Variants in RASEF observed in about 807,000 individuals in gnomAD.
RASEF encodes RAS and EF-hand domain containing, also known as ras and EF-hand domain-containing protein.
Under a neutral mutation model 90.1 loss-of-function variants are expected in RASEF, and 68 were observed. The ratio of observed to expected loss-of-function variants is 0.75; its 90% CI spans 0.62 to 0.92. The LOEUF (loss-of-function observed/expected upper bound fraction) is 0.92. Among genes scored for constraint, RASEF ranks in the 40% least tolerant of loss-of-function variants. The pLI is 0.00. For synonymous variants in RASEF, 331 were observed against 345.2 expected, an observed-to-expected ratio of 0.96 and a Z score of 0.46; for missense variants, 949 against 937.2, an observed-to-expected ratio of 1.01 and a Z score of -0.16.
At chr9:83,004,693 T>G (rs1368559917) in intron 8 of RASEF, 107 bp from the exon 9 acceptor site, 2 of 670,704 alleles carry the variant, frequency 3.0e-6, no homozygotes, top group Non-Finnish European at 5.2e-6. Context: ...AGCACACTAC[T>G]CAAACTTCTA....
chr9:83,138,925 A>C, the RASEF span, among the ~76,000 whole-genome samples: 9 of 152,284 alleles, frequency 5.9e-5, no homozygotes, highest in African/African-American at 2.2e-4. Flanking sequence ...AACAGCCACG[A>C]GTATTTGAAC....
the RASEF span, among the ~76,000 whole-genome samples, chr9:83,121,651 A>G: frequency 6.6e-6 from 1 of 152,256 alleles, no homozygotes; most frequent in East Asian, 1.9e-4. Context: ...TTTACTGATA[A>G]AACACTCTGA....
chr9:83,172,459 C>A, the RASEF span, among the ~76,000 whole-genome samples: 1 of 151,438 alleles, frequency 6.6e-6, no homozygotes, highest in Non-Finnish European at 1.5e-5. Flanking sequence ...TCCTTTCTTC[C>A]TTTCCTACTG....
chr9:83,109,188 A>G, the RASEF span, among the ~76,000 whole-genome samples: 4 of 152,228 alleles, frequency 2.6e-5, no homozygotes, highest in African/African-American at 7.2e-5. Flanking sequence ...CTATGCATCT[A>G]TTTAGCCCCC....
At chr9:83,022,714 G>A (rs1042679963) in intron 2 of RASEF, among the ~76,000 whole-genome samples, 2 of 152,120 alleles carry the variant, frequency 1.3e-5, no homozygotes, top group Non-Finnish European at 2.9e-5. Context: ...GCATCATAAA[G>A]AGTATTTACA....
At chr9:83,109,591 C>T in the RASEF span, among the ~76,000 whole-genome samples, 1 of 152,206 alleles carries the variant, frequency 6.6e-6, no homozygotes, top group Admixed American at 6.5e-5. Context: ...AGCATGATCA[C>T]TGATCTAATG....
At chr9:83,052,794 G>A (rs1490380337) in intron 1 of RASEF, among the ~76,000 whole-genome samples, 3 of 126,008 alleles carry the variant, frequency 2.4e-5, no homozygotes, top group African/African-American at 3.3e-5. Flanking sequence ...CCTTCATTTC[G>A]TTATGTACCC....
the RASEF span, among the ~76,000 whole-genome samples, chr9:83,164,930 A>C: frequency 9.2e-5 from 14 of 152,152 alleles, no homozygotes; most frequent in Admixed American, 3.3e-4. Flanking sequence ...ATAATGATAA[A>C]GGGGTCGATA....
the RASEF span, among the ~76,000 whole-genome samples, chr9:83,185,113 AG>A: frequency 6.6e-6 from 1 of 152,188 alleles, no homozygotes; most frequent in Non-Finnish European, 1.5e-5. Flanking sequence ...TCCCAAAACA[AG>A]TTCACACAGC....
the RASEF span, among the ~76,000 whole-genome samples, chr9:83,207,363 C>A: frequency 6.6e-6 from 1 of 152,176 alleles, no homozygotes; most frequent in Non-Finnish European, 1.5e-5. Context: ...GGTGTCTGCA[C>A]TAATCTTCAG....
the RASEF span, among the ~76,000 whole-genome samples, chr9:83,178,827 G>T: frequency 6.6e-6 from 1 of 152,068 alleles, no homozygotes; most frequent in South Asian, 2.1e-4. Context: ...TTAGAAATGG[G>T]TTTCCTTCCA....
chr9:82,997,678 A>C (rs946711644), intron 13 of RASEF, among the ~76,000 whole-genome samples: 1 of 152,184 alleles, frequency 6.6e-6, no homozygotes, highest in African/African-American at 2.4e-5. Flanking sequence ...ATATTTTATA[A>C]GTATTTTAAA....
intron 2 of RASEF, 41 bp from the exon 3 acceptor site, chr9:83,022,467 G>T: frequency 7.0e-7 from 1 of 1,431,052 alleles, no homozygotes. Flanking sequence ...TTATACTCTT[G>T]AACTTGAAAC....
At chr9:83,069,874 A>G in the RASEF span, among the ~76,000 whole-genome samples, 1 of 152,208 alleles carries the variant, frequency 6.6e-6, no homozygotes, top group Non-Finnish European at 1.5e-5. Flanking sequence ...AATATGGACT[A>G]TAGGTTTAAT....
the RASEF span, chr9:83,201,845 CAAT>C: frequency 6.6e-6 from 1 of 152,270 alleles, no homozygotes; most frequent in Non-Finnish European, 1.5e-5. Context: ...TGAATATATA[CAAT>C]AATATCTCCC....
chr9:83,017,927 T>C (rs1028802975), intron 3 of RASEF, among the ~76,000 whole-genome samples: 1 of 152,116 alleles, frequency 6.6e-6, no homozygotes, highest in East Asian at 1.9e-4. Flanking sequence ...ACATTAACAT[T>C]CTAAAAAAGA....
chr9:83,197,826 C>T, the RASEF span, among the ~76,000 whole-genome samples: 6 of 152,196 alleles, frequency 3.9e-5, no homozygotes, highest in Non-Finnish European at 7.3e-5. Flanking sequence ...GACTTGGCCA[C>T]CTACCAACAG....
chr9:83,094,576 A>G, the RASEF span, among the ~76,000 whole-genome samples: 1 of 152,168 alleles, frequency 6.6e-6, no homozygotes, highest in Non-Finnish European at 1.5e-5. Flanking sequence ...AACTCTAGGA[A>G]TTTACAGATT....
chr9:83,035,212 G>C (rs1402916358), intron 1 of RASEF, among the ~76,000 whole-genome samples: 1 of 152,104 alleles, frequency 6.6e-6, no homozygotes, highest in Non-Finnish European at 1.5e-5. Flanking sequence ...AATACTTTTG[G>C]CTTTGCAGGA....
Sources: allele counts gnomAD v4.1 joint callset (sites outside exome capture counted in the v4.1 genomes callset), GRCh38; gene constraint gnomAD v4.1.1; transcripts MANE v1.5; gene names NCBI Gene and HGNC (gene_info 2026-07-23, HGNC 2026-07-21).